The following PRKN variants were observed in gnomAD, a reference collection of about 807,000 sequenced individuals.
PRKN encodes E3 ubiquitin-protein ligase parkin.
PRKN carries 56 observed loss-of-function variants against 59.5 expected under a neutral mutation model. The observed-to-expected ratio is 0.94, with a 90% CI of 0.76 to 1.18. The LOEUF (loss-of-function observed/expected upper bound fraction) is 1.18, where lower values mean the gene tolerates loss of function less well. PRKN is among the 50% of genes most tolerant of loss of function. The pLI is 0.00. For synonymous variants in PRKN, 250 were observed against 222.1 expected (o/e 1.13, Z -1.12); for missense variants, 657 against 596.4 (o/e 1.10, Z -1.06).
rs1784573752 is a variant in PRKN at position 161,352,151 on chromosome 6, A to G, written c.1286-1940T>C. On this transcript the variant is annotated intron_variant, in intron 11 of 11. Transcript: ENST00000366898. This position sits in a 1 kb window ranked among gnomAD's most constrained non-coding sequence, Gnocchi z 5.8. ...TGAAGGTGCTCCATTACTCACTCTT[A>G]CCAATTATCTTGTTAATTGATTTTT... 6.6e-6 allele frequency among the ~76,000 whole-genome samples: 1 copy of G among 152,194 alleles called. No individual in the cohort carries two copies.
intron 6 of PRKN, among the ~76,000 whole-genome samples, chr6:161,871,530 T>G (rs1211155174): frequency 6.6e-6 from 1 of 152,194 alleles, no homozygotes; most frequent in African/African-American, 2.4e-5. Flanking sequence ...TAAAAAGTGT[T>G]ATATTTTACA....
chr6:162,461,162 A>C (rs1297177860), intron 1 of PRKN, among the ~76,000 whole-genome samples: 1 of 151,262 alleles, frequency 6.6e-6, no homozygotes, highest in Non-Finnish European at 1.5e-5. Context: ...ATGCTATATT[A>C]GGGCTTGTGC....
intron 2 of PRKN, among the ~76,000 whole-genome samples, chr6:162,430,224 G>T (rs892756155): frequency 6.6e-6 from 1 of 152,062 alleles, no homozygotes; most frequent in Admixed American, 6.6e-5. Flanking sequence ...ACATCATGGG[G>T]TGTTACAACG....
chr6:161,506,735 C>T lies in PRKN; in HGVS notation c.1083+42119G>A, dbSNP rs922979271. 2.0e-5 allele frequency among the ~76,000 whole-genome samples: 3 copies of T among 152,200 alleles called. No homozygotes were observed. The East Asian group carries it at 5.8e-4, about 29-fold the overall frequency. On this transcript the variant is annotated intron_variant, in intron 9 of 11. Transcript: ENST00000366898. ...CACAGCCAGTGCTCAATAATGCTAA[C>T]GGTAAAAGAGTAATATTGATTTATT...
intron 9 of PRKN, among the ~76,000 whole-genome samples, chr6:161,438,840 C>T (rs1368863358): frequency 6.6e-6 from 1 of 152,036 alleles, no homozygotes; most frequent in Non-Finnish European, 1.5e-5. Context: ...ATTAAACTGA[C>T]GAGTATGCCT....
intron 2 of PRKN, among the ~76,000 whole-genome samples, chr6:162,364,672 G>A (rs1421649195): frequency 1.3e-5 from 2 of 152,042 alleles, no homozygotes; most frequent in Non-Finnish European, 2.9e-5. Flanking sequence ...AACATGCGGC[G>A]AGCTGGGCCC....
chr6:162,120,375 T>C (rs907876049), intron 4 of PRKN, among the ~76,000 whole-genome samples: 1 of 152,220 alleles, frequency 6.6e-6, no homozygotes, highest in Admixed American at 6.5e-5. Context: ...TTTAACCCCA[T>C]AGTCCTTGTC....
chr6:162,289,755 A>C (rs1781344094), intron 2 of PRKN, among the ~76,000 whole-genome samples: 1 of 152,002 alleles, frequency 6.6e-6, no homozygotes, highest in Non-Finnish European at 1.5e-5. Flanking sequence ...GGAAGGAGAG[A>C]GCATCCAAGG....
intron 2 of PRKN, among the ~76,000 whole-genome samples, chr6:162,426,489 C>T (rs1290728502): frequency 1.3e-5 from 2 of 152,232 alleles, no homozygotes; most frequent in Admixed American, 6.5e-5. Context: ...CTGGCTCTGT[C>T]ACCCACGCTG....
chr6:162,226,627 G>C (rs1463034357), intron 3 of PRKN, among the ~76,000 whole-genome samples: 1 of 152,148 alleles, frequency 6.6e-6, no homozygotes, highest in Non-Finnish European at 1.5e-5. Context: ...TCCGCCTCCT[G>C]GGTTCAAGCG....
At chr6:161,381,839 G>A (rs933842206) in intron 10 of PRKN, among the ~76,000 whole-genome samples, 4 of 151,814 alleles carry the variant, frequency 2.6e-5, no homozygotes, top group Non-Finnish European at 2.9e-5. Flanking sequence ...TAGGCCGGGC[G>A]CAGTGGCTCA....
intron 1 of PRKN, among the ~76,000 whole-genome samples, chr6:162,726,360 G>T (rs1366772008): frequency 6.6e-6 from 1 of 152,166 alleles, no homozygotes; most frequent in Non-Finnish European, 1.5e-5. Flanking sequence ...TTCTGATTCA[G>T]TTCAAACTTG....
chr6:162,490,847 C>T (rs992192191), intron 1 of PRKN, among the ~76,000 whole-genome samples: 5 of 152,080 alleles, frequency 3.3e-5, no homozygotes, highest in South Asian at 2.1e-4. Flanking sequence ...AAGGACGGCA[C>T]GAGGGGCCAG....
At chr6:161,845,319 T>C (rs930987091) in intron 6 of PRKN, among the ~76,000 whole-genome samples, 4 of 152,062 alleles carry the variant, frequency 2.6e-5, no homozygotes, top group Non-Finnish European at 5.9e-5. Context: ...GCCCTACAAA[T>C]ATCATCACTG....
intron 5 of PRKN, among the ~76,000 whole-genome samples, chr6:162,000,560 AT>A (rs1442155617): frequency 2.0e-5 from 3 of 151,942 alleles, no homozygotes; most frequent in Non-Finnish European, 4.4e-5. Flanking sequence ...GTAGTTTTTC[AT>A]TAGAGATGTC....
At chr6:162,556,973 T>C (rs1196989164) in intron 1 of PRKN, among the ~76,000 whole-genome samples, 1 of 152,046 alleles carries the variant, frequency 6.6e-6, no homozygotes, top group Non-Finnish European at 1.5e-5. Flanking sequence ...AGATAAAAGA[T>C]AATACATTTA....
At position 161,962,449 on chromosome 6, in the gene PRKN, T is replaced by G. The variant is rs544810178; in HGVS notation, c.734+10853A>C. Among the ~76,000 whole-genome samples the G allele has an allele frequency of 1.1e-4, 16 of 152,322 alleles. No individual in the cohort carries two copies. The Middle Eastern group carries it at 0.02, about 194-fold the overall frequency. On this transcript the variant is annotated intron_variant, in intron 6 of 11. Coordinates refer to ENST00000366898, the MANE Select transcript of PRKN (RefSeq NM_004562.3). Reference sequence around the variant, plus strand: ...AAAGTTATTTAAACACTGTGGGTATTTCTTTCAGATGAAAATGGACCTTAA... The same window carrying G: ...AAAGTTATTTAAACACTGTGGGTATGTCTTTCAGATGAAAATGGACCTTAA...
intron 6 of PRKN, among the ~76,000 whole-genome samples, chr6:161,886,651 C>T (rs999160725): frequency 2.0e-5 from 3 of 151,660 alleles, no homozygotes; most frequent in East Asian, 3.9e-4. Context: ...GAGCCGAGAT[C>T]GCGCCACTGC....
At position 162,011,360 on chromosome 6, in the gene PRKN, T is replaced by C. The variant is rs1319859821; in HGVS notation, c.619-37943A>G. Among the ~76,000 whole-genome samples, 10 of 32,202 alleles carry C rather than the reference T, an allele frequency of 3.1e-4. 1 individual carries two copies. In the South Asian group the frequency reaches 8.4e-3, roughly 27 times the overall value. The allele number at this position is 32,202 out of a possible 152,430, so 21.1% of individuals were successfully genotyped here. A position where few individuals can be genotyped will look rare whatever the true frequency, so the allele number is the denominator to read the frequency against. On this transcript the variant is annotated intron_variant, in intron 5 of 11. Transcript: ENST00000366898. ...TATTATATATTATAATATATATTTA[T>C]AATATATATAATATATTATATATTT...
Sources: allele counts gnomAD v4.1 joint callset (sites outside exome capture counted in the v4.1 genomes callset), GRCh38; gene constraint gnomAD v4.1.1; non-coding constraint Gnocchi (gnomAD v3.1); transcripts MANE v1.5; gene names NCBI Gene and HGNC (gene_info 2026-07-23, HGNC 2026-07-21).